The following FBXL17 variants were observed in gnomAD, a reference collection of about 807,000 sequenced individuals.
FBXL17 encodes F-box/LRR-repeat protein 17.
FBXL17 carries 22 observed loss-of-function variants against 66.2 expected under a neutral mutation model. The observed-to-expected ratio is 0.33, with a 90% CI of 0.24 to 0.47. The LOEUF is 0.47. Among genes scored for constraint, FBXL17 ranks in the 20% least tolerant of loss-of-function variants. The pLI is 1.00. For missense variants in FBXL17, 878 were observed against 948.2 expected, an observed-to-expected ratio of 0.93 and a Z score of 0.97; for synonymous variants, 474 against 400.5, an observed-to-expected ratio of 1.18 and a Z score of -2.19.
At chr5:107,980,664 A>ATATATATATATATATATATATATATATT in intron 7 of FBXL17, among the ~76,000 whole-genome samples, 1 of 62,070 alleles carries the variant, frequency 1.6e-5, no homozygotes, top group Non-Finnish European at 2.7e-5. Context: ...ATATATATAT[A>ATATATATATATATATATATATATATATT]TTTTTTTTTT....
chr5:108,211,587 C>T lies in FBXL17; in HGVS notation c.1614+12534G>A, dbSNP rs568652055. Among the ~76,000 whole-genome samples, 547 of 152,208 alleles carry T rather than the reference C, an allele frequency of 3.6e-3. 4 individuals are homozygous for T. The highest frequency in any genetic ancestry group is 0.013 in the African/African-American group (529 of 41,516). On this transcript the variant is annotated intron_variant, in intron 5 of 8. Transcript: ENST00000542267. ...CTTTATTTCTCCTTTGCTTATGAAG[C>T]TTAGTTTGGCTGGATATGAAATTCT...
At chr5:108,286,801 G>C (rs1757917391) in intron 4 of FBXL17, among the ~76,000 whole-genome samples, 1 of 151,860 alleles carries the variant, frequency 6.6e-6, no homozygotes, top group Non-Finnish European at 1.5e-5. Flanking sequence ...AATTGGTGTG[G>C]AACCAAAAAA....
intron 7 of FBXL17, among the ~76,000 whole-genome samples, chr5:107,904,408 T>C (rs1442557238): frequency 6.6e-6 from 1 of 152,084 alleles, no homozygotes; most frequent in African/African-American, 2.4e-5. Context: ...TCATCATCTC[T>C]CCCCAGTCAA....
At chr5:107,935,997 T>C (rs1392321000) in intron 7 of FBXL17, among the ~76,000 whole-genome samples, 2 of 152,150 alleles carry the variant, frequency 1.3e-5, no homozygotes, top group Non-Finnish European at 2.9e-5. Flanking sequence ...GAATTCTCTT[T>C]TAAACTTACA....
At chr5:108,107,207 G>A (rs964561576) in intron 6 of FBXL17, among the ~76,000 whole-genome samples, 1 of 152,068 alleles carries the variant, frequency 6.6e-6, no homozygotes, top group Non-Finnish European at 1.5e-5. Context: ...GAGTAGCTGG[G>A]ATTACAGGCA....
At chr5:108,036,824 T>C (rs1265295073) in intron 6 of FBXL17, among the ~76,000 whole-genome samples, 1 of 152,210 alleles carries the variant, frequency 6.6e-6, no homozygotes, top group Non-Finnish European at 1.5e-5. Context: ...CATATTGTTA[T>C]ATACTTAGCA....
intron 4 of FBXL17, among the ~76,000 whole-genome samples, chr5:108,243,926 A>T (rs1755977131): frequency 6.6e-6 from 1 of 152,218 alleles, no homozygotes; most frequent in Non-Finnish European, 1.5e-5. Flanking sequence ...ACAGTGGAAG[A>T]GCTCTGAGCA....
intron 6 of FBXL17, among the ~76,000 whole-genome samples, chr5:108,035,587 A>G (rs1259884631): frequency 6.6e-6 from 1 of 151,994 alleles, no homozygotes; most frequent in Non-Finnish European, 1.5e-5. Context: ...GGCTGGTCTC[A>G]AACTCCCAAC....
At chr5:108,224,267 G>A in intron 4 of FBXL17, 39 bp from the exon 5 acceptor site, 1 of 1,238,140 alleles carries the variant, frequency 8.1e-7, no homozygotes. Flanking sequence ...CAAGGTAATA[G>A]TCCAGTGAAC....
chr5:108,157,381 T>C (rs998270783), intron 6 of FBXL17, among the ~76,000 whole-genome samples: 3 of 152,004 alleles, frequency 2.0e-5, no homozygotes, highest in Non-Finnish European at 4.4e-5. Context: ...ACTACTAAAT[T>C]ACATTATTTC....
chr5:108,093,202 A>G (rs894280121), intron 6 of FBXL17, among the ~76,000 whole-genome samples: 1 of 152,102 alleles, frequency 6.6e-6, no homozygotes, highest in Non-Finnish European at 1.5e-5. Flanking sequence ...GTTTACTATT[A>G]AAAAATGCCA....
intron 6 of FBXL17, among the ~76,000 whole-genome samples, chr5:108,064,672 T>C (rs997918017): frequency 1.3e-5 from 2 of 152,240 alleles, no homozygotes; most frequent in Non-Finnish European, 2.9e-5. Context: ...TAAAACATTA[T>C]TGTAATGCAA....
chr5:108,322,298 C>A (rs71592749), intron 4 of FBXL17, among the ~76,000 whole-genome samples: 25,036 of 151,802 alleles, frequency 0.16, 2,182 homozygotes, highest in South Asian at 0.33. Flanking sequence ...TAGCAATCAA[C>A]TGGCTACTGA....
At chr5:108,345,432 C>A (rs1213557677) in intron 4 of FBXL17, among the ~76,000 whole-genome samples, 2 of 151,786 alleles carry the variant, frequency 1.3e-5, no homozygotes, top group Non-Finnish European at 2.9e-5. Flanking sequence ...TCCTCACTTT[C>A]CACATGAATA....
intron 4 of FBXL17, among the ~76,000 whole-genome samples, chr5:108,305,792 T>C (rs1043193248): frequency 2.0e-5 from 3 of 152,104 alleles, no homozygotes; most frequent in Non-Finnish European, 2.9e-5. Context: ...AGGTAGTCCT[T>C]TGAAACTGTT....
intron 7 of FBXL17, among the ~76,000 whole-genome samples, chr5:107,989,240 TC>T (rs1237133568): frequency 2.0e-5 from 3 of 152,050 alleles, no homozygotes; most frequent in African/African-American, 7.2e-5. Context: ...ACGTATTCCT[TC>T]TATTTTAACG....
chr5:108,316,294 A>G (rs1278226516), intron 4 of FBXL17, among the ~76,000 whole-genome samples: 1 of 151,464 alleles, frequency 6.6e-6, no homozygotes, highest in Non-Finnish European at 1.5e-5. Flanking sequence ...TCAACAATGG[A>G]AGAATTCAAT....
intron 6 of FBXL17, among the ~76,000 whole-genome samples, chr5:108,075,621 G>A (rs1452259020): frequency 4.0e-5 from 6 of 151,728 alleles, no homozygotes; most frequent in Non-Finnish European, 8.8e-5. Context: ...AATTACAGGC[G>A]CCCGCCACTA....
chr5:108,381,753 C>T lies in FBXL17; in HGVS notation c.-62G>A. On this transcript the variant is annotated 5_prime_UTR_variant, in exon 1 of 9. Coordinates refer to ENST00000542267, the MANE Select transcript of FBXL17 (RefSeq NM_001163315.3). ...GAGGGAGACCCAGAGAGGCGGGCTCCCGGCAGCGGGGCAGGCCGCTCGCTG... is the reference window on the plus strand; with the variant it reads ...GAGGGAGACCCAGAGAGGCGGGCTCTCGGCAGCGGGGCAGGCCGCTCGCTG... The T allele has an allele frequency of 1.5e-6, 2 of 1,376,548 alleles. No homozygotes were observed. Among genetic ancestry groups the T allele is most frequent in the Non-Finnish European group, 1.9e-6 (2 of 1,071,090 alleles). The allele number at this position is 1,376,548 out of a possible 1,614,324, so 85.3% of individuals were successfully genotyped here.
Sources: allele counts gnomAD v4.1 joint callset (sites outside exome capture counted in the v4.1 genomes callset), GRCh38; gene constraint gnomAD v4.1.1; transcripts MANE v1.5; gene names NCBI Gene and HGNC (gene_info 2026-07-23, HGNC 2026-07-21).